APBB2: variants seen among roughly 807,000 people sequenced by gnomAD.
APBB2 encodes Fe65-like 1.
A neutral mutation model predicts 82.5 loss-of-function variants in APBB2; 38 were observed. That is an observed-to-expected ratio of 0.46 (90% confidence interval 0.36 to 0.60). The LOEUF (loss-of-function observed/expected upper bound fraction) is 0.60, where lower values mean the gene tolerates loss of function less well. APBB2 is among the 20% of genes least tolerant of loss of function. The pLI, the probability that APBB2 is intolerant of heterozygous loss-of-function variation, is 0.00. For missense variants in APBB2, 772 were observed against 972.3 expected (o/e 0.79, Z 2.74); for synonymous variants, 341 against 368.2 (o/e 0.93, Z 0.85).
intron 4 of APBB2, among the ~76,000 whole-genome samples, chr4:41,061,063 G>A (rs1729653035): frequency 6.6e-6 from 1 of 152,178 alleles, no homozygotes; most frequent in South Asian, 2.1e-4. Context: ...TCAGAGCCAT[G>A]CCTCAGTTAG....
intron 6 of APBB2, among the ~76,000 whole-genome samples, chr4:40,972,135 T>C (rs1199302666): frequency 1.3e-5 from 2 of 152,122 alleles, no homozygotes; most frequent in East Asian, 1.9e-4. Context: ...TCCTTTAAAA[T>C]AGCAAAATCC....
intron 2 of APBB2, among the ~76,000 whole-genome samples, chr4:41,114,959 T>C (rs1047975048): frequency 1.3e-5 from 2 of 152,174 alleles, no homozygotes; most frequent in African/African-American, 4.8e-5. Context: ...CTTCACAGAA[T>C]TAGAAAATAC....
At chr4:41,032,778 C>CTTTTTTT (rs11421268) in intron 5 of APBB2, among the ~76,000 whole-genome samples, 1,948 of 84,244 alleles carry the variant, frequency 0.023, 52 homozygotes, top group East Asian at 0.044. Context: ...ATTTTTCTTT[C>CTTTTTTT]TTTTTTTTTT....
At chr4:40,989,362 A>G (rs1801373338) in intron 6 of APBB2, among the ~76,000 whole-genome samples, 1 of 152,046 alleles carries the variant, frequency 6.6e-6, no homozygotes. Flanking sequence ...GAAAACGTTC[A>G]TTTCCTGGGA....
intron 1 of APBB2, among the ~76,000 whole-genome samples, chr4:41,147,479 A>G (rs937844731): frequency 4.7e-5 from 6 of 128,646 alleles, no homozygotes; most frequent in Admixed American, 3.8e-4. Context: ...ATGTTTGGCC[A>G]GCTTTTTTTT....
intron 6 of APBB2, among the ~76,000 whole-genome samples, chr4:40,950,814 A>T (rs773515878): frequency 9.2e-5 from 14 of 152,038 alleles, no homozygotes; most frequent in Non-Finnish European, 1.8e-4. Context: ...TTGCACTCCA[A>T]CTTGGGTGAC....
chr4:41,031,009 G>C (rs920820949), intron 5 of APBB2, among the ~76,000 whole-genome samples: 1 of 152,126 alleles, frequency 6.6e-6, no homozygotes. Flanking sequence ...CAGATCACTT[G>C]AGGCCAGGAG....
intron 3 of APBB2, among the ~76,000 whole-genome samples, chr4:41,089,449 CTA>C (rs1740954492): frequency 6.6e-6 from 1 of 152,122 alleles, no homozygotes; most frequent in Admixed American, 6.5e-5. Flanking sequence ...GAAGCTCAAC[CTA>C]TGTTTTGAGT....
intron 2 of APBB2, among the ~76,000 whole-genome samples, chr4:41,136,307 T>G (rs991773064): frequency 2.6e-5 from 4 of 152,168 alleles, no homozygotes; most frequent in Non-Finnish European, 5.9e-5. Flanking sequence ...CAAAGATGTT[T>G]AAAGGGGCAA....
At chr4:40,930,357 TA>T (rs1783764439) in intron 10 of APBB2, among the ~76,000 whole-genome samples, 1 of 152,092 alleles carries the variant, frequency 6.6e-6, no homozygotes, top group Admixed American at 6.6e-5. Context: ...CTTTACTGCA[TA>T]AAAATTTTGG....
chr4:41,213,068 T>C (rs990111997), intron 1 of APBB2, among the ~76,000 whole-genome samples: 12 of 145,312 alleles, frequency 8.3e-5, no homozygotes, highest in African/African-American at 3.0e-4. Context: ...AGATTTTAAA[T>C]CTGAAACCAT....
chr4:40,949,609 A>C (rs4643859), intron 6 of APBB2, among the ~76,000 whole-genome samples: 12,686 of 152,066 alleles, frequency 0.083, 572 homozygotes, highest in Middle Eastern at 0.14. Flanking sequence ...AGGGAGCACA[A>C]GCAGAACAAA....
At chr4:41,114,375 G>T (rs1345906561) in intron 2 of APBB2, among the ~76,000 whole-genome samples, 1 of 152,100 alleles carries the variant, frequency 6.6e-6, no homozygotes, top group African/African-American at 2.4e-5. Flanking sequence ...ATACTGAATG[G>T]GTAAAAGCTG....
intron 6 of APBB2, among the ~76,000 whole-genome samples, chr4:40,981,380 CA>C (rs35012895): frequency 3.4e-4 from 40 of 116,368 alleles, no homozygotes; most frequent in Middle Eastern, 4.0e-3. Flanking sequence ...GACCCTGTCT[CA>C]AAAAAAAAAA....
chr4:40,830,677 G>A, intron 12 of APBB2, 100 bp from the exon 13 acceptor site: 3 of 694,204 alleles, frequency 4.3e-6, no homozygotes, highest in Admixed American at 2.2e-5. Context: ...GCGTGTCAAT[G>A]GTAAACAATG....
At chr4:41,153,217 T>C (rs1055806836) in intron 1 of APBB2, among the ~76,000 whole-genome samples, 3 of 152,322 alleles carry the variant, frequency 2.0e-5, no homozygotes, top group South Asian at 4.1e-4. Context: ...TGATGCTTGG[T>C]TGAACTACTT....
At chr4:40,868,148 C>T (rs1347246310) in intron 12 of APBB2, among the ~76,000 whole-genome samples, 8 of 152,062 alleles carry the variant, frequency 5.3e-5, no homozygotes, top group Admixed American at 5.2e-4. Context: ...TGAGCCACCA[C>T]ACCCAGCTGG....
chr4:41,149,721 A>G (rs1286799435), intron 1 of APBB2, among the ~76,000 whole-genome samples: 1 of 152,200 alleles, frequency 6.6e-6, no homozygotes, highest in Non-Finnish European at 1.5e-5. Context: ...TGTAGCTCTC[A>G]TAATCCCCAT....
At chr4:40,964,775 C>CACACACACACACACACACACACA (rs1170561072) in intron 6 of APBB2, among the ~76,000 whole-genome samples, 3 of 151,790 alleles carry the variant, frequency 2.0e-5, no homozygotes, top group Admixed American at 6.6e-5. Flanking sequence ...CACACACACA[C>CACACACACACACACACACACACA]AACAATGCAC....
Sources: allele counts gnomAD v4.1 joint callset (sites outside exome capture counted in the v4.1 genomes callset), GRCh38; gene constraint gnomAD v4.1.1; transcripts MANE v1.5; gene names NCBI Gene and HGNC (gene_info 2026-07-23, HGNC 2026-07-21).